The following PAQR9 variants were observed in gnomAD, a reference collection of about 807,000 sequenced individuals.
PAQR9 encodes the protein membrane progestin receptor epsilon.
Under a neutral mutation model 24.0 loss-of-function variants are expected in PAQR9, and 12 were observed. That is an observed-to-expected ratio of 0.50 (90% CI 0.32 to 0.81). PAQR9 has a LOEUF of 0.81. Among genes scored for constraint, PAQR9 ranks in the 30% least tolerant of loss-of-function variants. The pLI is 0.03. For synonymous variants in PAQR9, 266 were observed against 237.6 expected, an observed-to-expected ratio of 1.12 and a Z score of -1.10; for missense variants, 418 against 520.8, an observed-to-expected ratio of 0.80 and a Z score of 1.92.
Position 142,963,025 on chromosome 3 carries a change from C to G in PAQR9, c.312G>C (p.Leu104=), listed in dbSNP as rs145977421. 2.9e-4 allele frequency: 471 copies of G among 1,614,186 alleles called. No individual in the cohort carries two copies. The highest frequency in any genetic ancestry group is 3.5e-4 in the South Asian group (32 of 91,084). ...GCACGTCGCCGCCGCTCAGGAAGAA[C>G]AGACGGCAGAACTTGCTCAGGAACA... The part of the protein sequence containing the change: ...LLLFLSKFCR[L]FFLSGGDVPF... Residue 104 remains leucine, a synonymous_variant, in exon 1 of 1, where the codon CTG becomes CTC. Transcript: ENST00000340634.
At position 142,963,151 on chromosome 3, in the gene PAQR9, G is replaced by A; in HGVS notation, c.186C>T (p.Gly62=). ...DDFVECFILS[G]YRRLPCTAQE... ...GGGCCGTGCACGGCAGACGCCGGTA[G>A]CCCGACAGGATGAAGCACTCCACGA... The change falls in exon 1 of 1, where the codon GGC becomes GGT. Residue 62 remains glycine (G), a synonymous_variant. Transcript: ENST00000340634. The A allele has an allele frequency of 6.2e-7, 1 of 1,606,852 alleles. No individual in the cohort carries two copies. Among genetic ancestry groups the A allele is most frequent in the African/African-American group, 1.3e-5 (1 of 74,908 alleles).
In PAQR9 at chr3:142,963,279, G is replaced by A. The variant is rs1320585334; in HGVS notation, c.58C>T (p.Pro20Ser). 1.3e-6 allele frequency: 2 copies of A among 1,484,014 alleles called. No homozygotes were observed. Among genetic ancestry groups the A allele is most frequent in the Non-Finnish European group, 1.8e-6 (2 of 1,120,588 alleles). The allele number at this position is 1,484,014 out of a possible 1,614,324, so 91.9% of individuals were successfully genotyped here. Residue 20 changes from proline to serine, a missense_variant, in exon 1 of 1, where the codon CCG becomes TCG. This residue lies in a region of PAQR9 where 180 missense variants were observed against 190.3 expected (regional missense o/e 0.95). Transcript: ENST00000340634. ...AGTKGPPAPA[P>S]AASGAARNSH... ...TTCCGGGCGGCCCCCGAAGCTGCCG[G>A]GGCCGGGGCCGGAGGGCCTTTTGTG...
rs1254210310 is a variant in PAQR9, at chr3:142,958,150, T to C, written c.*4053A>G. 6.6e-6 allele frequency among the ~76,000 whole-genome samples: 1 copy of C among 152,202 alleles called. No homozygotes were observed. The highest frequency in any genetic ancestry group is 1.5e-5 in the Non-Finnish European group (1 of 68,040). On this transcript the variant is annotated 3_prime_UTR_variant, in exon 1 of 1. Coordinates refer to ENST00000340634, the MANE Select transcript of PAQR9 (RefSeq NM_198504.4). Reference sequence around the variant, plus strand: ...ATTGCTGACAGAGTGAAGTCAGCAGTGGTAAACTTCAACAGTTGAAGAACA... The same window carrying C: ...ATTGCTGACAGAGTGAAGTCAGCAGCGGTAAACTTCAACAGTTGAAGAACA...
Position 142,962,184 on chromosome 3 carries a change from T to C in PAQR9, c.*19A>G, listed in dbSNP as rs1402907893. On this transcript the variant is annotated 3_prime_UTR_variant, in exon 1 of 1. Transcript: ENST00000340634. ...TCCAAACAGATGGGCGAACCAGTAGTCTCCTCCAAGGCGGAGGCTCACTTT... is the reference window on the plus strand; with the variant it reads ...TCCAAACAGATGGGCGAACCAGTAGCCTCCTCCAAGGCGGAGGCTCACTTT... 2 of 1,605,076 alleles carry C rather than the reference T, an allele frequency of 1.2e-6. No homozygotes were observed. Among genetic ancestry groups the C allele is most frequent in the East Asian group, 2.2e-5 (1 of 44,856 alleles).
chr3:142,962,077 A>T lies in PAQR9; in HGVS notation c.*126T>A. ...CTTTGTAGCAGTGAACTTTTTCCCT[A>T]TGGTTTTGCAGCACCTTCCTTGAGC... On this transcript the variant is annotated 3_prime_UTR_variant, in exon 1 of 1. Coordinates refer to ENST00000340634, the MANE Select transcript of PAQR9 (RefSeq NM_198504.4). 8.6e-7 allele frequency: 1 copy of T among 1,164,984 alleles called. No individual in the cohort carries two copies. Among genetic ancestry groups the T allele is most frequent in the Non-Finnish European group, 1.2e-6 (1 of 820,684 alleles). The allele number at this position is 1,164,984 out of a possible 1,614,324, so 72.2% of individuals were successfully genotyped here. A position where few individuals can be genotyped will look rare whatever the true frequency, so the allele number is the denominator to read the frequency against.
rs1934879069 is a variant in PAQR9, at chr3:142,960,938, T to C, written c.*1265A>G. 1 of 152,258 alleles carries C rather than the reference T, an allele frequency of 6.6e-6. No individual in the cohort carries two copies. The highest frequency in any genetic ancestry group is 2.1e-4 in the South Asian group (1 of 4,834). 9.4% of individuals were successfully genotyped at this position (152,258 alleles called of 1,614,324 possible). On this transcript the variant is annotated 3_prime_UTR_variant, in exon 1 of 1. Coordinates refer to ENST00000340634, the MANE Select transcript of PAQR9 (RefSeq NM_198504.4). ...TTTCATAATAAAACTGCCTTGTTTA[T>C]TCTTGGATATTATGTTTTTAATTTT...
rs2108241866 is a variant in PAQR9 at position 142,960,071 on chromosome 3, A to G, written c.*2132T>C. ...AATTAGCCTCTGTAACCTAACAGGAATCTCCTTGCACTTCACAAAGGATGA... is the reference window on the plus strand; with the variant it reads ...AATTAGCCTCTGTAACCTAACAGGAGTCTCCTTGCACTTCACAAAGGATGA... On this transcript the variant is annotated 3_prime_UTR_variant, in exon 1 of 1. Coordinates refer to ENST00000340634, the MANE Select transcript of PAQR9 (RefSeq NM_198504.4). 6.6e-6 allele frequency among the ~76,000 whole-genome samples: 1 copy of G among 152,362 alleles called. No homozygotes were observed. Among genetic ancestry groups the G allele is most frequent in the East Asian group, 1.9e-4 (1 of 5,186 alleles).
upstream of PAQR9, chr3:142,963,783 G>T (rs550995632): frequency 9.4e-3 from 9,169 of 978,728 alleles, 39 homozygotes; most frequent in Non-Finnish European, 0.01. Context: ...GGAAGGGCGG[G>T]GGCCTCCCAG....
Position 142,959,372 on chromosome 3 carries a change from A to G in PAQR9, c.*2831T>C, listed in dbSNP as rs1224375976. Among the ~76,000 whole-genome samples, 1 of 152,244 alleles carries G rather than the reference A, an allele frequency of 6.6e-6. No individual in the cohort carries two copies. The highest frequency in any genetic ancestry group is 2.4e-5 in the African/African-American group (1 of 41,464). On this transcript the variant is annotated 3_prime_UTR_variant, in exon 1 of 1. Coordinates refer to ENST00000340634, the MANE Select transcript of PAQR9 (RefSeq NM_198504.4). ...AATAAATTCAGCAAATAAACTGTATAGTTTAACAAATCATCCCTGGCTTTG... is the reference window on the plus strand; with the variant it reads ...AATAAATTCAGCAAATAAACTGTATGGTTTAACAAATCATCCCTGGCTTTG...
upstream of PAQR9, chr3:142,963,725 G>A: frequency 1.2e-6 from 1 of 813,712 alleles, no homozygotes; most frequent in South Asian, 5.6e-5. Flanking sequence ...CGGAGCGGGA[G>A]GTGGGGATGT....
Position 142,962,658 on chromosome 3 carries a change from C to T in PAQR9, c.679G>A (p.Ala227Thr). ...CAGTCGGTACGGCTCTTGCAGCAGG[C>T]CACAGTGCAAGCCACCGCCAGCACG... ...AFVLAVACTVACCKSRTDWCT... is the reference protein window; with the variant it reads ...AFVLAVACTVTCCKSRTDWCT... The change falls in exon 1 of 1, where the codon GCC becomes ACC. Residue 227 changes from alanine to threonine, a missense_variant. Transcript: ENST00000340634. The T allele has an allele frequency of 6.2e-7, 1 of 1,611,184 alleles. No homozygotes were observed. Among genetic ancestry groups the T allele is most frequent in the Non-Finnish European group, 8.5e-7 (1 of 1,178,932 alleles).
chr3:142,960,864 C>G lies in PAQR9; in HGVS notation c.*1339G>C, dbSNP rs1934878135. ...CAGCGTTTAACTAGGCAAGTGTAAT[C>G]TTATTTAACTCAAAATTTTCAGTGA... is the stretch of plus-strand genomic sequence containing the variant. On this transcript the variant is annotated 3_prime_UTR_variant, in exon 1 of 1. Coordinates refer to ENST00000340634, the MANE Select transcript of PAQR9 (RefSeq NM_198504.4). 6.6e-6 allele frequency: 1 copy of G among 152,198 alleles called. No homozygotes were observed. The allele number at this position is 152,198 out of a possible 1,614,324, so 9.4% of individuals were successfully genotyped here.
Position 142,960,874 on chromosome 3 carries a change from T to A in PAQR9, c.*1329A>T, listed in dbSNP as rs1343248351. ...CTAGGCAAGTGTAATCTTATTTAAC[T>A]CAAAATTTTCAGTGACAACTCAATA... On this transcript the variant is annotated 3_prime_UTR_variant, in exon 1 of 1. Transcript: ENST00000340634. 2 of 152,242 alleles carry A rather than the reference T, an allele frequency of 1.3e-5. No homozygotes were observed. The highest frequency in any genetic ancestry group is 2.9e-5 in the Non-Finnish European group (2 of 68,046). The allele number at this position is 152,242 out of a possible 1,614,324, so 9.4% of individuals were successfully genotyped here.
In PAQR9 at chr3:142,957,213, C is replaced by T. The variant is rs1038375834; in HGVS notation, c.*4990G>A. Among the ~76,000 whole-genome samples, 2 of 152,204 alleles carry T rather than the reference C, an allele frequency of 1.3e-5. No individual in the cohort carries two copies. Among genetic ancestry groups the T allele is most frequent in the African/African-American group, 2.4e-5 (1 of 41,446 alleles). On this transcript the variant is annotated 3_prime_UTR_variant, in exon 1 of 1. Transcript: ENST00000340634. Reference sequence around the variant, plus strand: ...CCTGGACACTCGTGCTCAGGTCAAACGCTACAAGATGTGGTTAAGCTGACA... The same window carrying T: ...CCTGGACACTCGTGCTCAGGTCAAATGCTACAAGATGTGGTTAAGCTGACA...
chr3:142,962,499 G>C lies in PAQR9; in HGVS notation c.838C>G (p.Arg280Gly), dbSNP rs779378995. 1 of 1,612,276 alleles carries C rather than the reference G, an allele frequency of 6.2e-7. No individual in the cohort carries two copies. The highest frequency in any genetic ancestry group is 1.3e-5 in the African/African-American group (1 of 74,930). ...GCGGCCACCACCAGCCAGAAGTAGC[G>C]GCGGTAGAAGTGCACGAAGAGTGTG... ...NPTLFVHFYR[R>G]YFWLVVAAFF... The change falls in exon 1 of 1, where the codon CGC becomes GGC. Residue 280 changes from arginine to glycine, a missense_variant. Physicochemically the swap from Arg to Gly is moderately radical, Grantham distance 125. Coordinates refer to ENST00000340634, the MANE Select transcript of PAQR9 (RefSeq NM_198504.4).
chr3:142,951,651 C>G (rs996579446), downstream of PAQR9: 6 of 452,416 alleles, frequency 1.3e-5, no homozygotes, highest in Non-Finnish European at 2.2e-5. Context: ...GTTTTCTGAA[C>G]AAGAATTAGA....
Position 142,957,117 on chromosome 3 carries a change from C to A in PAQR9, c.*5086G>T, listed in dbSNP as rs548977864. Among the ~76,000 whole-genome samples, 4 of 152,230 alleles carry A rather than the reference C, an allele frequency of 2.6e-5. No homozygotes were observed. Among genetic ancestry groups the A allele is most frequent in the African/African-American group, 9.6e-5 (4 of 41,546 alleles). The stretch of plus-strand genomic sequence containing the variant: ...GGTGCTATCCCGTAATGCCTTTTTG[C>A]CTCTGTCCTAATTTTATGGAAACAA... On this transcript the variant is annotated 3_prime_UTR_variant, in exon 1 of 1. Transcript: ENST00000340634.
Position 142,959,015 on chromosome 3 carries a change from T to C in PAQR9, c.*3188A>G, listed in dbSNP as rs767851459. ...CCTTCATTTTCCAGGCATGACTCTA[T>C]GGCGCCGCTCCTTGAGATGTCATCC... is the stretch of plus-strand genomic sequence containing the variant. On this transcript the variant is annotated 3_prime_UTR_variant, in exon 1 of 1. Coordinates refer to ENST00000340634, the MANE Select transcript of PAQR9 (RefSeq NM_198504.4). Among the ~76,000 whole-genome samples, 16 of 152,192 alleles carry C rather than the reference T, an allele frequency of 1.1e-4. No individual in the cohort carries two copies. The highest frequency in any genetic ancestry group is 2.0e-4 in the Admixed American group (3 of 15,282).
At chr3:142,963,816 G>A (rs1013219513), upstream of PAQR9, 1 of 985,100 alleles carries the variant, frequency 1.0e-6, no homozygotes, top group Non-Finnish European at 1.2e-6. Flanking sequence ...CGGCCGCTTC[G>A]GGGGATAGAG....
Sources: allele counts gnomAD v4.1 joint callset (sites outside exome capture counted in the v4.1 genomes callset), GRCh38; gene constraint gnomAD v4.1.1; regional missense constraint gnomAD v4.1.1; transcripts MANE v1.5; gene names NCBI Gene and HGNC (gene_info 2026-07-23, HGNC 2026-07-21).